Variants in ABCA12 observed in about 807,000 individuals in gnomAD.
ABCA12 encodes the protein ATP binding cassette subfamily A member 12.
In ABCA12, 156 loss-of-function variants were observed where a neutral mutation model predicts 293.5. That is an observed-to-expected ratio of 0.53 (90% CI 0.47 to 0.61). ABCA12 has a LOEUF of 0.61. Ranked by LOEUF, ABCA12 falls within the 20% of genes least tolerant of loss-of-function variation. ABCA12 has a pLI of 0.00. For synonymous variants in ABCA12, 1,063 were observed against 1,108.0 expected, an observed-to-expected ratio of 0.96 and a Z score of 0.81; for missense variants, 2,797 against 3,090.2, an observed-to-expected ratio of 0.91 and a Z score of 2.25.
At chr2:215,073,490 G>A (rs751121838) in intron 2 of ABCA12, among the ~76,000 whole-genome samples, 5 of 151,980 alleles carry the variant, frequency 3.3e-5, no homozygotes. Context: ...GGGTATGACC[G>A]TGCTGATTGG....
rs1329122530 is a variant in ABCA12 at position 215,076,742 on chromosome 2, T to C, written c.164-12523A>G. Among the ~76,000 whole-genome samples, 3 of 152,270 alleles carry C rather than the reference T, an allele frequency of 2.0e-5. No homozygotes were observed. In the East Asian group the frequency reaches 5.8e-4, roughly 29 times the overall value. On this transcript the variant is annotated intron_variant, in intron 2 of 52. Transcript: ENST00000272895. ...TGTTCATCAAAAGACCACAGACAAA[T>C]AGATTGTGATATATTTATACATGGA...
At chr2:215,043,158 T>C (rs1357955467) in intron 7 of ABCA12, among the ~76,000 whole-genome samples, 2 of 152,208 alleles carry the variant, frequency 1.3e-5, no homozygotes, top group Non-Finnish European at 2.9e-5. Flanking sequence ...TTCATTTCCC[T>C]GATGATGAGT....
chr2:215,024,874 G>A (rs1208624565), intron 11 of ABCA12, among the ~76,000 whole-genome samples: 1 of 152,058 alleles, frequency 6.6e-6, no homozygotes, highest in Non-Finnish European at 1.5e-5. Context: ...TATACTATAT[G>A]CATGAGATAA....
At chr2:214,999,762 G>A (rs993811720) in intron 22 of ABCA12, 36 of 980,900 alleles carry the variant, frequency 3.7e-5, no homozygotes, top group Non-Finnish European at 4.2e-5. Context: ...AGCTAACCTT[G>A]ACAGTCCACT....
chr2:215,047,939 T>G (rs1462327562), intron 6 of ABCA12, among the ~76,000 whole-genome samples: 2 of 149,566 alleles, frequency 1.3e-5, no homozygotes, highest in African/African-American at 4.9e-5. Flanking sequence ...AGGTCTAATA[T>G]CCAACATCTA....
chr2:215,114,255 T>G (rs541477388), intron 1 of ABCA12, among the ~76,000 whole-genome samples: 11 of 152,176 alleles, frequency 7.2e-5, no homozygotes, highest in South Asian at 2.1e-4. Flanking sequence ...TTACAGGCGT[T>G]AGTCACCGCA....
At chr2:215,090,489 T>A (rs1702121728) in intron 2 of ABCA12, among the ~76,000 whole-genome samples, 1 of 152,190 alleles carries the variant, frequency 6.6e-6, no homozygotes, top group Admixed American at 6.6e-5. Context: ...TCTCTTGCTA[T>A]CCCTCCACCC....
At chr2:215,085,906 G>GA (rs1429349177) in intron 2 of ABCA12, among the ~76,000 whole-genome samples, 2 of 152,074 alleles carry the variant, frequency 1.3e-5, no homozygotes, top group African/African-American at 4.8e-5. Context: ...TAATATAAAT[G>GA]AAAAAATCAT....
intron 1 of ABCA12, among the ~76,000 whole-genome samples, chr2:215,135,955 T>C (rs1703216975): frequency 6.6e-6 from 1 of 152,318 alleles, no homozygotes; most frequent in African/African-American, 2.4e-5. Flanking sequence ...CCACTCAGAA[T>C]TGTCCTTCCT....
chr2:215,051,609 A>AGTGTGTGT (rs3050094), intron 5 of ABCA12, among the ~76,000 whole-genome samples: 11,093 of 121,262 alleles, frequency 0.091, 746 homozygotes, highest in Non-Finnish European at 0.11. Flanking sequence ...TAAAAACGCT[A>AGTGTGTGT]GTGTGTGTGT....
At chr2:215,134,362 A>G (rs1405033151) in intron 1 of ABCA12, among the ~76,000 whole-genome samples, 1 of 140,902 alleles carries the variant, frequency 7.1e-6, no homozygotes, top group African/African-American at 2.6e-5. Flanking sequence ...ATATATGTAT[A>G]TGTGTATATA....
At chr2:215,120,493 G>T (rs1161109129) in intron 1 of ABCA12, among the ~76,000 whole-genome samples, 1 of 152,066 alleles carries the variant, frequency 6.6e-6, no homozygotes, top group Non-Finnish European at 1.5e-5. Context: ...AAAACACGAA[G>T]GATGAAAAAG....
rs761761379 is a variant in ABCA12 at position 215,011,469 on chromosome 2, C to A, written c.2302G>T (p.Ala768Ser). 6.2e-7 allele frequency: 1 copy of A among 1,613,694 alleles called. No individual in the cohort carries two copies. Among genetic ancestry groups the A allele is most frequent in the Non-Finnish European group, 8.5e-7 (1 of 1,179,814 alleles). Reference protein sequence around the residue: ...LTYKLTKEQIASKYGIPINST... With the variant: ...LTYKLTKEQISSKYGIPINST... ...TTTATGGGAATTCCATATTTTGAAG[C>A]AATTTGCTCTTTAGTTAATTTATAA... Residue 768 changes from alanine to serine, a missense_variant, in exon 17 of 53, where the codon GCT (alanine) becomes TCT (serine). By Grantham distance (99) the Ala-to-Ser change is moderately conservative. Transcript: ENST00000272895.
At chr2:214,973,457 TACAG>T (rs1385876657) in intron 36 of ABCA12, among the ~76,000 whole-genome samples, 1 of 152,192 alleles carries the variant, frequency 6.6e-6, no homozygotes, top group African/African-American at 2.4e-5. Flanking sequence ...ATCAATAGAA[TACAG>T]ACAGAGTAAG....
chr2:214,986,490 G>GT lies in ABCA12; in HGVS notation c.4163+51dup, dbSNP rs1699789756. On this transcript the variant is annotated intron_variant, in intron 28 of 52. Transcript: ENST00000272895. ...AGGTTAGTTTATTTTTTTTACACCT[G>GT]TATTTTTTGTAACATGCTTCCATGG... 3 of 1,541,702 alleles carry GT rather than the reference G, an allele frequency of 1.9e-6. No individual in the cohort carries two copies. The Admixed American group carries it at 5.0e-5, about 26-fold the overall frequency.
intron 2 of ABCA12, among the ~76,000 whole-genome samples, chr2:215,066,151 A>T (rs1025498840): frequency 4.6e-5 from 7 of 152,156 alleles, no homozygotes; most frequent in Non-Finnish European, 1.5e-5. Context: ...TGCATATGGC[A>T]AGACCTTTAA....
At chr2:215,043,194 G>T (rs6744959) in intron 7 of ABCA12, among the ~76,000 whole-genome samples, 1 of 151,954 alleles carries the variant, frequency 6.6e-6, no homozygotes, top group Non-Finnish European at 1.5e-5. Context: ...AAAAATACAC[G>T]TGTTGGCCAT....
intron 44 of ABCA12, among the ~76,000 whole-genome samples, chr2:214,952,785 C>A (rs1698819831): frequency 6.6e-6 from 1 of 152,202 alleles, no homozygotes; most frequent in Non-Finnish European, 1.5e-5. Context: ...AATCTCCCAA[C>A]CACATGTTAA....
chr2:214,935,045 G>A (rs1376908655), intron 51 of ABCA12, among the ~76,000 whole-genome samples: 1 of 152,120 alleles, frequency 6.6e-6, no homozygotes, highest in Non-Finnish European at 1.5e-5. Flanking sequence ...TCTTATTCCA[G>A]AATCTACCCC....
Sources: allele counts gnomAD v4.1 joint callset (sites outside exome capture counted in the v4.1 genomes callset), GRCh38; gene constraint gnomAD v4.1.1; transcripts MANE v1.5; gene names NCBI Gene and HGNC (gene_info 2026-07-23, HGNC 2026-07-21).